UTRN: variants seen among roughly 807,000 people sequenced by gnomAD.
UTRN encodes the protein utrophin, also known as dystrophin-related protein 1.
UTRN carries 283 observed loss-of-function variants against 463.9 expected under a neutral mutation model. The observed-to-expected ratio is 0.61, with a 90% CI of 0.55 to 0.67. The LOEUF (loss-of-function observed/expected upper bound fraction) is 0.67. UTRN is among the 30% of genes least tolerant of loss of function. UTRN has a pLI of 0.00. For synonymous variants in UTRN, 1,442 were observed against 1,431.5 expected (o/e 1.01, Z -0.17); for missense variants, 3,922 against 4,084.3 (o/e 0.96, Z 1.08).
chr6:144,409,950 T>C (rs965975902), intron 3 of UTRN, among the ~76,000 whole-genome samples: 2 of 152,146 alleles, frequency 1.3e-5, no homozygotes, highest in Non-Finnish European at 2.9e-5. Flanking sequence ...CACACAAATA[T>C]TCAGTAAAGT....
At chr6:144,777,998 A>T (rs182586733) in intron 60 of UTRN, among the ~76,000 whole-genome samples, 1 of 152,126 alleles carries the variant, frequency 6.6e-6, no homozygotes, top group East Asian at 1.9e-4. Flanking sequence ...TCAAGTTCTT[A>T]TTGTGTTGTA....
chr6:144,828,191 C>G (rs1471353326), intron 68 of UTRN, among the ~76,000 whole-genome samples: 3 of 152,062 alleles, frequency 2.0e-5, no homozygotes, highest in Admixed American at 2.0e-4. Context: ...ATTCAAGCAT[C>G]ATAAAAATGG....
chr6:144,483,175 G>T (rs928188297), intron 27 of UTRN, among the ~76,000 whole-genome samples: 1 of 152,098 alleles, frequency 6.6e-6, no homozygotes, highest in Non-Finnish European at 1.5e-5. Context: ...TCATTCATTT[G>T]TAAATTCATT....
At chr6:144,484,816 A>G (rs956559362) in intron 27 of UTRN, among the ~76,000 whole-genome samples, 8 of 152,060 alleles carry the variant, frequency 5.3e-5, no homozygotes, top group Non-Finnish European at 1.0e-4. Flanking sequence ...TTGACATTTA[A>G]ATCAGATCAT....
At chr6:144,343,016 A>T (rs1433544144) in intron 2 of UTRN, among the ~76,000 whole-genome samples, 1 of 152,060 alleles carries the variant, frequency 6.6e-6, no homozygotes, top group Non-Finnish European at 1.5e-5. Flanking sequence ...TCATACAGCT[A>T]CTAGTCTAAG....
At chr6:144,379,754 T>G (rs1347369595) in intron 2 of UTRN, among the ~76,000 whole-genome samples, 1 of 152,222 alleles carries the variant, frequency 6.6e-6, no homozygotes, top group Non-Finnish European at 1.5e-5. Flanking sequence ...CCACACATGA[T>G]TTTGTAATTG....
intron 53 of UTRN, among the ~76,000 whole-genome samples, chr6:144,706,129 C>T (rs1785062486): frequency 6.6e-6 from 1 of 151,614 alleles, no homozygotes; most frequent in Non-Finnish European, 1.5e-5. Flanking sequence ...GGCCAGTGTT[C>T]GAACATAAAC....
At chr6:144,526,617 G>T (rs1469083248) in intron 41 of UTRN, among the ~76,000 whole-genome samples, 1 of 151,904 alleles carries the variant, frequency 6.6e-6, no homozygotes, top group African/African-American at 2.4e-5. Context: ...TACTTGGTTG[G>T]TGAATTTTTA....
chr6:144,709,573 T>G (rs545649029), intron 53 of UTRN, among the ~76,000 whole-genome samples: 2 of 152,308 alleles, frequency 1.3e-5, no homozygotes, highest in African/African-American at 4.8e-5. Context: ...GACCTTGTAC[T>G]TGATTTCTAA....
chr6:144,577,002 G>C (rs970271967), intron 50 of UTRN, 97 bp from the exon 51 acceptor site: 1 of 1,199,454 alleles, frequency 8.3e-7, no homozygotes, highest in Non-Finnish European at 1.2e-6. Context: ...AAGGTCCTTT[G>C]GGGGCTGCCT....
intron 51 of UTRN, among the ~76,000 whole-genome samples, chr6:144,640,350 C>T (rs1003947378): frequency 2.6e-5 from 4 of 152,026 alleles, no homozygotes; most frequent in Admixed American, 6.6e-5. Context: ...TAGAGAGGAC[C>T]GCCAAAGTCC....
At chr6:144,484,878 C>T (rs1049115527) in intron 27 of UTRN, among the ~76,000 whole-genome samples, 5 of 152,064 alleles carry the variant, frequency 3.3e-5, no homozygotes, top group Admixed American at 2.0e-4. Context: ...TTGCTCCCCA[C>T]CCTTCACCAA....
chr6:144,721,042 A>G (rs1562815332), intron 53 of UTRN, among the ~76,000 whole-genome samples: 2 of 152,186 alleles, frequency 1.3e-5, no homozygotes, highest in African/African-American at 4.8e-5. Flanking sequence ...ATATACTTTA[A>G]TGCCACCTAA....
intron 51 of UTRN, among the ~76,000 whole-genome samples, chr6:144,665,596 A>T (rs1780303670): frequency 6.6e-6 from 1 of 152,242 alleles, no homozygotes. Flanking sequence ...TTAAATAAGT[A>T]AAAAGTAAAT....
chr6:144,444,253 G>A, intron 13 of UTRN, 28 bp from the exon 14 acceptor site: 1 of 1,585,230 alleles, frequency 6.3e-7, no homozygotes, highest in Non-Finnish European at 8.6e-7. Flanking sequence ...AGGCTGTGTT[G>A]ACAAAGGATG....
chr6:144,329,864 G>A (rs998002458), intron 2 of UTRN, among the ~76,000 whole-genome samples: 1 of 152,222 alleles, frequency 6.6e-6, no homozygotes, highest in African/African-American at 2.4e-5. Context: ...ATTTTAAATG[G>A]AAAGTAGTCT....
chr6:144,491,207 G>T (rs1793042411), intron 32 of UTRN, 105 bp downstream of exon 32: 1 of 1,119,578 alleles, frequency 8.9e-7, no homozygotes, highest in East Asian at 2.5e-5. Flanking sequence ...CTAGTCTACA[G>T]TGTGCTAAAC....
In UTRN at chr6:144,286,662, A is replaced by C. The variant is rs1013877543; in HGVS notation, c.-93+841A>C. On this transcript the variant is annotated intron_variant, in intron 1 of 74. Coordinates refer to ENST00000367545, the MANE Select transcript of UTRN (RefSeq NM_007124.3). The surrounding 1 kb of genome is among the most constrained non-coding windows in gnomAD (Gnocchi z 4.4). ...ACAAAGCACCAATTGAAGGCTGTGC[A>C]ACTTTCAGATGGCAGGTTGTTCAAA... Among the ~76,000 whole-genome samples the C allele has an allele frequency of 1.4e-5, 2 of 146,502 alleles. No individual in the cohort carries two copies. Among genetic ancestry groups the C allele is most frequent in the Non-Finnish European group, 3.0e-5 (2 of 67,246 alleles).
At chr6:144,395,401 G>GT (rs397960296) in intron 2 of UTRN, among the ~76,000 whole-genome samples, 2,077 of 127,674 alleles carry the variant, frequency 0.016, 37 homozygotes, top group African/African-American at 0.043. Context: ...AAGATGTTGA[G>GT]TTTTTTTTTT....
Sources: allele counts gnomAD v4.1 joint callset (sites outside exome capture counted in the v4.1 genomes callset), GRCh38; gene constraint gnomAD v4.1.1; non-coding constraint Gnocchi (gnomAD v3.1); transcripts MANE v1.5; gene names NCBI Gene and HGNC (gene_info 2026-07-23, HGNC 2026-07-21).